The following ARHGEF38 variants were observed in gnomAD, a reference collection of about 807,000 sequenced individuals.
The protein encoded by ARHGEF38 is Rho guanine nucleotide exchange factor (GEF) 38.
In ARHGEF38, 79 loss-of-function variants were observed where a neutral mutation model predicts 79.9. The ratio of observed to expected loss-of-function variants is 0.99; its 90% CI spans 0.82 to 1.19. The LOEUF (loss-of-function observed/expected upper bound fraction) is 1.19. ARHGEF38 is among the 50% of genes most tolerant of loss of function. The pLI, the probability that ARHGEF38 is intolerant of heterozygous loss-of-function variation, is 0.00. For synonymous variants in ARHGEF38, 366 were observed against 328.3 expected, an observed-to-expected ratio of 1.11 and a Z score of -1.24; for missense variants, 962 against 907.2, an observed-to-expected ratio of 1.06 and a Z score of -0.78.
At chr4:105,667,049 C>A in intron 11 of ARHGEF38, 80 bp from the exon 12 acceptor site, 1 of 1,231,398 alleles carries the variant, frequency 8.1e-7, no homozygotes, top group Non-Finnish European at 1.1e-6. Flanking sequence ...TAAAAATCTC[C>A]AGGGAAAAAA....
chr4:105,642,518 T>C (rs1399661353), intron 5 of ARHGEF38, among the ~76,000 whole-genome samples: 2 of 152,146 alleles, frequency 1.3e-5, no homozygotes, highest in South Asian at 4.1e-4. Context: ...TTTTGATAGA[T>C]CTGGATAAGA....
chr4:105,627,314 G>T (rs1656859890), intron 3 of ARHGEF38, among the ~76,000 whole-genome samples: 1 of 152,176 alleles, frequency 6.6e-6, no homozygotes, highest in African/African-American at 2.4e-5. Context: ...ACCTGCAGGA[G>T]AAATTCATCT....
At position 105,679,767 on chromosome 4, in the gene ARHGEF38, A is replaced by C. The variant is rs530628844; in HGVS notation, c.*1830A>C. ...GACCTTTCTCTTGGTTGATAAAAAC[A>C]TATACAAACCCCTGTCTGTCCAGCT... On this transcript the variant is annotated 3_prime_UTR_variant, in exon 14 of 14. Transcript: ENST00000420470. 425 of 939,766 alleles carry C rather than the reference A, an allele frequency of 4.5e-4. 4 individuals are homozygous for C. In the South Asian group the frequency reaches 5.3e-3, roughly 12 times the overall value. 58.2% of individuals were successfully genotyped at this position (939,766 alleles called of 1,614,324 possible).
intron 2 of ARHGEF38, among the ~76,000 whole-genome samples, chr4:105,611,764 C>A (rs932581099): frequency 3.3e-5 from 5 of 152,012 alleles, no homozygotes; most frequent in African/African-American, 1.2e-4. Flanking sequence ...ACCTTAAGAA[C>A]TAATAGTGGT....
chr4:105,561,394 GT>G (rs1725518507), intron 1 of ARHGEF38, among the ~76,000 whole-genome samples: 1 of 26,816 alleles, frequency 3.7e-5, no homozygotes, highest in African/African-American at 1.2e-4. Context: ...CAAAAATAGA[GT>G]AGAATAATAG....
At position 105,645,214 on chromosome 4, in the gene ARHGEF38, G is replaced by T. The variant is rs61742711; in HGVS notation, c.701G>T (p.Gly234Val). ...QEGKPNLLDM[G>V]SLMIKPIQRV... ...GGCAAACCAAACTTATTGGACATGG[G>T]CTCTTTGATGATCAAACCAATTCAA... Residue 234 changes from glycine to valine, a missense_variant, in exon 6 of 14, where the codon GGC (glycine) becomes GTC (valine). Gly to Val is a moderately radical substitution (Grantham distance 109). Transcript: ENST00000420470. 1,503 of 1,529,108 alleles carry T rather than the reference G, an allele frequency of 9.8e-4. 13 individuals are homozygous for T. In the African/African-American group the frequency reaches 0.019, roughly 19 times the overall value. 94.7% of individuals were successfully genotyped at this position (1,529,108 alleles called of 1,614,324 possible). A position where few individuals can be genotyped will look rare whatever the true frequency, so the allele number is the denominator to read the frequency against.
intron 1 of ARHGEF38, among the ~76,000 whole-genome samples, chr4:105,585,892 C>G (rs537686298): frequency 6.6e-6 from 1 of 151,818 alleles, no homozygotes; most frequent in Non-Finnish European, 1.5e-5. Flanking sequence ...CCACCACACC[C>G]GGCTAATGTT....
At chr4:105,604,937 T>C (rs1368068280) in intron 2 of ARHGEF38, among the ~76,000 whole-genome samples, 3 of 152,200 alleles carry the variant, frequency 2.0e-5, no homozygotes, top group South Asian at 4.1e-4. Flanking sequence ...AATTACTTTC[T>C]CTATATTTCA....
intron 13 of ARHGEF38, among the ~76,000 whole-genome samples, chr4:105,668,975 G>A (rs931900769): frequency 2.6e-5 from 4 of 152,168 alleles, no homozygotes; most frequent in Non-Finnish European, 2.9e-5. Context: ...AAGCCGGGGC[G>A]GTTGAGGCTG....
chr4:105,630,096 A>G (rs1729119388), intron 3 of ARHGEF38, among the ~76,000 whole-genome samples: 1 of 152,176 alleles, frequency 6.6e-6, no homozygotes, highest in Non-Finnish European at 1.5e-5. Flanking sequence ...AACTTTACAA[A>G]TACCACCTCT....
At chr4:105,657,700 G>A (rs181598596) in intron 9 of ARHGEF38, among the ~76,000 whole-genome samples, 2 of 152,088 alleles carry the variant, frequency 1.3e-5, no homozygotes, top group East Asian at 3.9e-4. Context: ...TGTTTATCAA[G>A]GGACTCATTA....
At chr4:105,643,063 G>A (rs1729686537) in intron 5 of ARHGEF38, among the ~76,000 whole-genome samples, 1 of 150,970 alleles carries the variant, frequency 6.6e-6, no homozygotes, top group Non-Finnish European at 1.5e-5. Context: ...ATAAGAAAAT[G>A]TCCTTCATAT....
chr4:105,622,694 G>A (rs1048681084), intron 3 of ARHGEF38, among the ~76,000 whole-genome samples: 1 of 152,196 alleles, frequency 6.6e-6, no homozygotes, highest in African/African-American at 2.4e-5. Flanking sequence ...ACAATGCTCA[G>A]CATGTGGCTT....
intron 1 of ARHGEF38, among the ~76,000 whole-genome samples, chr4:105,586,190 A>C (rs1040560220): frequency 1.3e-5 from 2 of 150,450 alleles, no homozygotes; most frequent in Non-Finnish European, 1.5e-5. Context: ...GATCTTACAA[A>C]AACAAAATGT....
intron 13 of ARHGEF38, among the ~76,000 whole-genome samples, chr4:105,673,509 T>C (rs1731021937): frequency 6.6e-6 from 1 of 152,190 alleles, no homozygotes; most frequent in Non-Finnish European, 1.5e-5. Context: ...TCCAGCTACC[T>C]ATGATGATGA....
intron 2 of ARHGEF38, among the ~76,000 whole-genome samples, chr4:105,605,384 C>T (rs1201686996): frequency 6.6e-6 from 1 of 152,064 alleles, no homozygotes; most frequent in African/African-American, 2.4e-5. Flanking sequence ...ACTGTTGCCT[C>T]TGTCCTTCCT....
chr4:105,580,218 A>G (rs1240375066), intron 1 of ARHGEF38, among the ~76,000 whole-genome samples: 1 of 152,046 alleles, frequency 6.6e-6, no homozygotes, highest in Non-Finnish European at 1.5e-5. Flanking sequence ...TCGATCTTCT[A>G]TTCAGCTCTG....
intron 7 of ARHGEF38, among the ~76,000 whole-genome samples, chr4:105,652,176 T>A (rs542322339): frequency 6.6e-6 from 1 of 152,276 alleles, no homozygotes; most frequent in South Asian, 2.1e-4. Flanking sequence ...ATGTTAACAA[T>A]CTCTGCCATA....
chr4:105,623,007 C>T (rs1728801235), intron 3 of ARHGEF38, among the ~76,000 whole-genome samples: 1 of 152,088 alleles, frequency 6.6e-6, no homozygotes, highest in South Asian at 2.1e-4. Context: ...GAAGGAAGAA[C>T]AGATAAGTAA....
Sources: gnomAD v4.1 joint callset for allele counts (sites outside exome capture counted in the v4.1 genomes callset) on GRCh38, gnomAD v4.1.1 for gene constraint, MANE v1.5 for transcripts, NCBI Gene and HGNC (gene_info 2026-07-23, HGNC 2026-07-21) for gene names.